The following CPS1 variants were observed in gnomAD, a reference collection of about 807,000 sequenced individuals.
The protein encoded by CPS1 is carbamoyl-phosphate synthase 1, also known as carbamoyl-phosphate synthase [ammonia], mitochondrial.
In CPS1, 109 loss-of-function variants were observed where a neutral mutation model predicts 174.6. That is an observed-to-expected ratio of 0.62 (90% CI 0.53 to 0.73). The LOEUF (loss-of-function observed/expected upper bound fraction) is 0.73, where lower values mean the gene tolerates loss of function less well. CPS1 is among the 30% of genes least tolerant of loss of function. The pLI, the probability that CPS1 is intolerant of heterozygous loss-of-function variation, is 0.00. For missense variants in CPS1, 1,689 were observed against 1,821.9 expected, an observed-to-expected ratio of 0.93 and a Z score of 1.33; for synonymous variants, 637 against 632.0, an observed-to-expected ratio of 1.01 and a Z score of -0.12.
chr2:210,605,263 C>A lies in CPS1; in HGVS notation c.1981+17C>A. 6.2e-7 allele frequency: 1 copy of A among 1,611,348 alleles called. No individual in the cohort carries two copies. The highest frequency in any genetic ancestry group is 1.1e-5 in the South Asian group (1 of 91,024). On this transcript the variant is annotated intron_variant, in intron 17 of 37. Transcript: ENST00000233072. The stretch of plus-strand genomic sequence containing the variant: ...TTCACACAGGTAGGCAAAGTATCTT[C>A]AAGAACTATAGTAATGCTTTCAGTT...
intron 1 of CPS1, among the ~76,000 whole-genome samples, chr2:210,508,416 A>G (rs1231848894): frequency 6.6e-6 from 1 of 151,828 alleles, no homozygotes; most frequent in Non-Finnish European, 1.5e-5. Context: ...AATGCCCACA[A>G]GAGAAAGCAG....
chr2:210,561,097 T>C (rs747096717), intron 1 of CPS1, among the ~76,000 whole-genome samples: 147 of 152,260 alleles, frequency 9.7e-4, no homozygotes, highest in Non-Finnish European at 1.1e-3. Flanking sequence ...ATCCCCAATT[T>C]TCTAAAATAT....
chr2:210,599,526 T>C lies in CPS1; in HGVS notation c.1514T>C (p.Ile505Thr), dbSNP rs1205301402. Residue 505 changes from isoleucine to threonine, a missense_variant, in exon 14 of 38, where the codon ATT becomes ACT. Coordinates refer to ENST00000233072, the MANE Select transcript of CPS1 (RefSeq NM_001875.5). ...AAGGCAGAACAGCCAGATGGGTTAA[T>C]TCTGGGCATGGGTGGCCAGACAGCT... is the stretch of plus-strand genomic sequence containing the variant. ...VIKAEQPDGL[I>T]LGMGGQTALN... The C allele has an allele frequency of 5.6e-6, 9 of 1,612,394 alleles. No homozygotes were observed. Among genetic ancestry groups the C allele is most frequent in the Non-Finnish European group, 6.8e-6 (8 of 1,179,004 alleles).
In CPS1 at chr2:210,612,200, C is replaced by A; in HGVS notation, c.2475C>A (p.Pro825=). 2 of 1,612,134 alleles carry A rather than the reference C, an allele frequency of 1.2e-6. No homozygotes were observed. Among genetic ancestry groups the A allele is most frequent in the Non-Finnish European group, 1.7e-6 (2 of 1,178,870 alleles). ...ACCCATCTATAGAAGGTTTCACTCC[C>A]CGTCTCCCAATGAACAAAGAATGGC... ...MCHPSIEGFT[P]RLPMNKEWPS... is the part of the protein sequence containing the mutation. Residue 825 remains proline, a synonymous_variant, in exon 20 of 38, where the codon CCC becomes CCA. Coordinates refer to ENST00000233072, the MANE Select transcript of CPS1 (RefSeq NM_001875.5).
At chr2:210,582,562 G>A in intron 5 of CPS1, 55 bp from the exon 6 acceptor site, 2 of 1,344,848 alleles carry the variant, frequency 1.5e-6, no homozygotes, top group Non-Finnish European at 2.1e-6. Flanking sequence ...AGTTTATCTT[G>A]TCAACACCTT....
At chr2:210,616,172 T>C (rs1242863967) in intron 20 of CPS1, among the ~76,000 whole-genome samples, 1 of 151,916 alleles carries the variant, frequency 6.6e-6, no homozygotes, top group Admixed American at 6.6e-5. Context: ...CAAAACCTGT[T>C]AGGAGATTTT....
At chr2:210,514,220 A>C (rs1695610690) in intron 1 of CPS1, among the ~76,000 whole-genome samples, 1 of 151,990 alleles carries the variant, frequency 6.6e-6, no homozygotes, top group Admixed American at 6.6e-5. Context: ...TTCTGTAAAA[A>C]ATGACATTGG....
intron 24 of CPS1, among the ~76,000 whole-genome samples, chr2:210,640,500 A>G (rs899903631): frequency 1.3e-5 from 2 of 152,214 alleles, no homozygotes; most frequent in African/African-American, 4.8e-5. Context: ...TTTACCTCAA[A>G]TGCAAAAATC....
At chr2:210,540,750 A>T (rs1054535769) in intron 1 of CPS1, among the ~76,000 whole-genome samples, 8 of 152,182 alleles carry the variant, frequency 5.3e-5, no homozygotes, top group Admixed American at 3.3e-4. Context: ...TTTAAAATAA[A>T]ACATAGAAGC....
chr2:210,497,369 T>C (rs1435884514), intron 1 of CPS1, among the ~76,000 whole-genome samples: 1 of 152,144 alleles, frequency 6.6e-6, no homozygotes, highest in Non-Finnish European at 1.5e-5. Context: ...GGGAGGTTTA[T>C]ACTTTATTTT....
upstream of CPS1, among the ~76,000 whole-genome samples, chr2:210,551,601 A>G (rs1305840788): frequency 6.6e-6 from 1 of 152,014 alleles, no homozygotes; most frequent in Non-Finnish European, 1.5e-5. Flanking sequence ...AATAAATCAC[A>G]TGTGCCCTGA....
chr2:210,568,883 A>G (rs1274685868), intron 1 of CPS1, among the ~76,000 whole-genome samples: 1 of 152,160 alleles, frequency 6.6e-6, no homozygotes, highest in Non-Finnish European at 1.5e-5. Context: ...GTGTAAGATG[A>G]AAAAATTACT....
rs187757971 is a variant in CPS1, at chr2:210,550,717, C to A, written c.4-6002C>A. ...GTGGTGTACATATTTATATATCTCT[C>A]TATATAGATGCAGATAATATACTAA... On this transcript the variant is annotated intron_variant, in intron 1 of 38. Coordinates refer to the CPS1 transcript ENST00000430249. Among the ~76,000 whole-genome samples, 5 of 151,940 alleles carry A rather than the reference C, an allele frequency of 3.3e-5. No individual in the cohort carries two copies. The East Asian group carries it at 9.7e-4, about 29-fold the overall frequency.
intron 16 of CPS1, among the ~76,000 whole-genome samples, chr2:210,603,095 G>A (rs1010731332): frequency 4.2e-4 from 64 of 152,008 alleles, no homozygotes; most frequent in African/African-American, 1.4e-3. Context: ...ATAGAACAGT[G>A]CCTGGAAATA....
intron 1 of CPS1, among the ~76,000 whole-genome samples, chr2:210,561,668 G>A (rs1559077344): frequency 6.6e-6 from 1 of 152,122 alleles, no homozygotes; most frequent in Non-Finnish European, 1.5e-5. Flanking sequence ...ATTTCCTGGG[G>A]CATTTGCAAT....
chr2:210,483,779 T>C (rs561869857), intron 1 of CPS1, among the ~76,000 whole-genome samples: 2 of 152,336 alleles, frequency 1.3e-5, no homozygotes, highest in South Asian at 4.1e-4. Context: ...TACATCTGTC[T>C]GCAAAAATCA....
intron 1 of CPS1, among the ~76,000 whole-genome samples, chr2:210,524,577 T>C (rs1695923177): frequency 6.6e-6 from 1 of 151,986 alleles, no homozygotes; most frequent in Non-Finnish European, 1.5e-5. Flanking sequence ...AGTATTTCTA[T>C]GGGGAACTTG....
At chr2:210,605,573 G>C (rs1309178510) in intron 17 of CPS1, among the ~76,000 whole-genome samples, 3 of 151,854 alleles carry the variant, frequency 2.0e-5, no homozygotes, top group African/African-American at 7.2e-5. Context: ...AGCAGACTGA[G>C]CTGGTAATCA....
chr2:210,489,581 G>T (rs1486644533), intron 1 of CPS1, among the ~76,000 whole-genome samples: 1 of 152,084 alleles, frequency 6.6e-6, no homozygotes, highest in African/African-American at 2.4e-5. Context: ...TTCTAATTTG[G>T]AGGTCACAGG....
Sources: gnomAD v4.1 joint callset for allele counts (sites outside exome capture counted in the v4.1 genomes callset) on GRCh38, gnomAD v4.1.1 for gene constraint, MANE v1.5 for transcripts, NCBI Gene and HGNC (gene_info 2026-07-23, HGNC 2026-07-21) for gene names.